RSL1D1: variants seen among roughly 807,000 people sequenced by gnomAD.
RSL1D1 encodes ribosomal L1 domain-containing protein 1.
RSL1D1 carries 34 observed loss-of-function variants against 44.6 expected under a neutral mutation model. That is an observed-to-expected ratio of 0.76 (90% confidence interval 0.58 to 1.02). The LOEUF (loss-of-function observed/expected upper bound fraction) is 1.02. Among genes scored for constraint, RSL1D1 ranks in the 50% least tolerant of loss-of-function variants. The pLI is 0.00. For missense variants in RSL1D1, 767 were observed against 568.1 expected (o/e 1.35, Z -3.56); for synonymous variants, 271 against 207.4 (o/e 1.31, Z -2.63).
At chr16:11,847,426 C>G in intron 3 of RSL1D1, 1 of 412,032 alleles carries the variant, frequency 2.4e-6, no homozygotes, top group South Asian at 3.1e-5. Flanking sequence ...GACAAGTACA[C>G]CAACTACAAA....
At chr16:11,840,966 A>G (rs374360701) in intron 7 of RSL1D1, among the ~76,000 whole-genome samples, 14 of 152,206 alleles carry the variant, frequency 9.2e-5, no homozygotes, top group African/African-American at 3.4e-4. Flanking sequence ...AATTATGTCA[A>G]TTCCTTTTAT....
intron 2 of RSL1D1, chr16:11,849,176 G>C (rs529156128): frequency 6.6e-6 from 1 of 152,348 alleles, no homozygotes; most frequent in East Asian, 1.9e-4. Context: ...GCTTGAGCCT[G>C]AGTTCGAGAC....
In RSL1D1 at chr16:11,836,435, C is replaced by T. The variant is rs2053719326; in HGVS notation, c.*1352G>A. On this transcript the variant is annotated 3_prime_UTR_variant, in exon 9 of 9. Coordinates refer to ENST00000571133, the MANE Select transcript of RSL1D1 (RefSeq NM_015659.3). ...TCCTGCACTGCAGTGAATCTGTGAA[C>T]TTACTACTACGGATGCATACCAATT... The T allele has an allele frequency of 6.6e-6, 1 of 152,198 alleles. No homozygotes were observed. Among genetic ancestry groups the T allele is most frequent in the African/African-American group, 2.4e-5 (1 of 41,460 alleles). 9.4% of individuals were successfully genotyped at this position (152,198 alleles called of 1,614,324 possible).
rs550972691 is a variant in RSL1D1, at chr16:11,838,113, T to C, written c.1147A>G (p.Ile383Val). 2 of 1,556,952 alleles carry C rather than the reference T, an allele frequency of 1.3e-6. No homozygotes were observed. The highest frequency in any genetic ancestry group is 4.5e-5 in the East Asian group (2 of 44,202). The change falls in exon 9 of 9, where the codon ATT becomes GTT. Residue 383 changes from isoleucine (I) to valine (V), a missense_variant and splice_region_variant. Transcript: ENST00000571133. The stretch of plus-strand genomic sequence containing the variant: ...TTCTTTCCTGTGGCATGTTTTTGAA[T>C]CTAAGAAAAAAAAAAGTAAGTTTAA... ...KKTPANEKVE[I>V]QKHATGKKSP...
chr16:11,841,600 G>C (rs2053764055), intron 7 of RSL1D1, 95 bp downstream of exon 7: 1 of 1,164,388 alleles, frequency 8.6e-7, no homozygotes, highest in Non-Finnish European at 1.2e-6. Context: ...GAAGATAACT[G>C]AAAAGTCGGG....
At chr16:11,840,454 TA>T (rs934784511) in intron 7 of RSL1D1, among the ~76,000 whole-genome samples, 7 of 152,032 alleles carry the variant, frequency 4.6e-5, no homozygotes, top group African/African-American at 1.7e-4. Flanking sequence ...TAGTTCCAAC[TA>T]CTCAGGAGGG....
In RSL1D1 at chr16:11,836,391, C is replaced by G. The variant is rs925069540; in HGVS notation, c.*1396G>C. On this transcript the variant is annotated 3_prime_UTR_variant, in exon 9 of 9. Coordinates refer to ENST00000571133, the MANE Select transcript of RSL1D1 (RefSeq NM_015659.3). ...ACATTATCTTTGAAAGCAGTTGAGT[C>G]TTTGGCATGCAAGAACATTCCTGCA... 6.6e-6 allele frequency: 1 copy of G among 152,206 alleles called. No homozygotes were observed. Among genetic ancestry groups the G allele is most frequent in the African/African-American group, 2.4e-5 (1 of 41,456 alleles). 9.4% of individuals were successfully genotyped at this position (152,206 alleles called of 1,614,324 possible). A position where few individuals can be genotyped will look rare whatever the true frequency, so the allele number is the denominator to read the frequency against.
chr16:11,834,250 T>C lies in RSL1D1; in HGVS notation c.*3537A>G, dbSNP rs1415197199. On this transcript the variant is annotated 3_prime_UTR_variant, in exon 9 of 9. Coordinates refer to ENST00000571133, the MANE Select transcript of RSL1D1 (RefSeq NM_015659.3). ...CAACTTTTTGATGGTATAAAAGCGA[T>C]ACATAATCAGTACAAACCATATACA... 2 of 152,230 alleles carry C rather than the reference T, an allele frequency of 1.3e-5. No individual in the cohort carries two copies. The highest frequency in any genetic ancestry group is 2.9e-5 in the Non-Finnish European group (2 of 68,044). The allele number at this position is 152,230 out of a possible 1,614,324, so 9.4% of individuals were successfully genotyped here. A position where few individuals can be genotyped will look rare whatever the true frequency, so the allele number is the denominator to read the frequency against.
intron 8 of RSL1D1, among the ~76,000 whole-genome samples, chr16:11,838,406 A>ACCTG (rs2141250067): frequency 6.6e-6 from 1 of 151,714 alleles, no homozygotes; most frequent in East Asian, 2.0e-4. Flanking sequence ...CAGGTGATCC[A>ACCTG]CCTGCCTCGG....
rs752346562 is a variant in RSL1D1 at position 11,846,803 on chromosome 16, T to A, written c.425A>T (p.Tyr142Phe). ...LQTLKKEYKS[Y>F]EAKLRLLSSF... ...GCTCAGAAGGCGGAGCTTGGCTTCA[T>A]AGGATTTATATTCCTTCTTTAGAGT... The change falls in exon 4 of 9, where the codon TAT (tyrosine) becomes TTT (phenylalanine). Residue 142 changes from tyrosine to phenylalanine, a missense_variant. Physicochemically the swap from Tyr to Phe is conservative, Grantham distance 22. Transcript: ENST00000571133. 6 of 1,612,468 alleles carry A rather than the reference T, an allele frequency of 3.7e-6. No individual in the cohort carries two copies. The South Asian group carries it at 4.4e-5, about 12-fold the overall frequency.
chr16:11,837,561 G>C lies in RSL1D1; in HGVS notation c.*226C>G. On this transcript the variant is annotated 3_prime_UTR_variant, in exon 9 of 9. Coordinates refer to ENST00000571133, the MANE Select transcript of RSL1D1 (RefSeq NM_015659.3). ...AGACAGGGTTTCACCATGTTGGCCA[G>C]GATGGTCTCGATCTCGTTGACCTTG... 2.2e-6 allele frequency: 1 copy of C among 456,024 alleles called. No homozygotes were observed. Among genetic ancestry groups the C allele is most frequent in the East Asian group, 3.8e-5 (1 of 26,486 alleles). 28.2% of individuals were successfully genotyped at this position (456,024 alleles called of 1,614,324 possible).
intron 7 of RSL1D1, 76 bp from the exon 8 acceptor site, chr16:11,840,061 G>A (rs2053754608): frequency 1.3e-6 from 2 of 1,547,388 alleles, no homozygotes; most frequent in Non-Finnish European, 1.7e-6. Flanking sequence ...TGTACCACGT[G>A]CAGTTTTGAT....
In RSL1D1 at chr16:11,837,643, C is replaced by G; in HGVS notation, c.*144G>C. The G allele has an allele frequency of 1.3e-6, 1 of 757,846 alleles. No individual in the cohort carries two copies. Among genetic ancestry groups the G allele is most frequent in the South Asian group, 1.9e-5 (1 of 53,602 alleles). The allele number at this position is 757,846 out of a possible 1,614,324, so 46.9% of individuals were successfully genotyped here. A position where few individuals can be genotyped will look rare whatever the true frequency, so the allele number is the denominator to read the frequency against. On this transcript the variant is annotated 3_prime_UTR_variant, in exon 9 of 9. Transcript: ENST00000571133. Reference sequence around the variant, plus strand: ...GGGATTACAGGCGTGAGCCACCGCCCCTGGACTACTTATGGAGGTTTTAAA... The same window carrying G: ...GGGATTACAGGCGTGAGCCACCGCCGCTGGACTACTTATGGAGGTTTTAAA...
chr16:11,849,814 T>G (rs1457038809), intron 2 of RSL1D1, among the ~76,000 whole-genome samples: 1 of 152,184 alleles, frequency 6.6e-6, no homozygotes, highest in Non-Finnish European at 1.5e-5. Context: ...TCTAGAAAAT[T>G]TTAGCACATC....
At chr16:11,849,351 G>C (rs933589262) in intron 2 of RSL1D1, 2 of 147,210 alleles carry the variant, frequency 1.4e-5, no homozygotes, top group Non-Finnish European at 1.5e-5. Flanking sequence ...TCTCACTATT[G>C]TACTCCAGCT....
Position 11,838,020 on chromosome 16 carries a change from C to CA in RSL1D1, c.1239dup (p.Glu414Ter). The CA allele has an allele frequency of 6.2e-7, 1 of 1,613,934 alleles. No homozygotes were observed. Among genetic ancestry groups the CA allele is most frequent in the Non-Finnish European group, 8.5e-7 (1 of 1,180,008 alleles). On this transcript the variant is annotated frameshift_variant, in exon 9 of 9. Transcript: ENST00000571133. LOFTEE classifies it low-confidence loss of function (END_TRUNC). ...TCAGACTCTGCAGCTTTTGGGGTCT[C>CA]AGATGCTGGCAAAGCCTTTCTTTTC...
In RSL1D1 at chr16:11,846,611, T is replaced by C. The variant is rs1403837287; in HGVS notation, c.534-9A>G. 3.1e-6 allele frequency: 5 copies of C among 1,608,334 alleles called. No homozygotes were observed. The highest frequency in any genetic ancestry group is 4.5e-5 in the East Asian group (2 of 44,842). On this transcript the variant is annotated splice_polypyrimidine_tract_variant and intron_variant, in intron 4 of 8. Coordinates refer to ENST00000571133, the MANE Select transcript of RSL1D1 (RefSeq NM_015659.3). The stretch of plus-strand genomic sequence containing the variant: ...TTACAGATACTGGAACTCTACAAAA[T>C]AAACACACAGGCATTCAGAACACAA...
chr16:11,839,691 A>G lies in RSL1D1; in HGVS notation c.1146+4T>C, dbSNP rs898076306. On this transcript the variant is annotated splice_donor_region_variant and intron_variant, in intron 8 of 8. Coordinates refer to ENST00000571133, the MANE Select transcript of RSL1D1 (RefSeq NM_015659.3). The stretch of plus-strand genomic sequence containing the variant: ...ATTATGAACAGTAAATATTAAAACA[A>G]TACCTCTACTTTTTCATTAGCTGGA... 1 of 1,613,518 alleles carries G rather than the reference A, an allele frequency of 6.2e-7. No homozygotes were observed. The highest frequency in any genetic ancestry group is 1.3e-5 in the African/African-American group (1 of 74,810).
chr16:11,847,079 T>C (rs546697376), intron 3 of RSL1D1, among the ~76,000 whole-genome samples: 3 of 152,124 alleles, frequency 2.0e-5, no homozygotes, highest in South Asian at 2.1e-4. Context: ...GCAACATATA[T>C]ATATTATTAT....
Sources: allele counts gnomAD v4.1 joint callset (sites outside exome capture counted in the v4.1 genomes callset), GRCh38; gene constraint gnomAD v4.1.1; transcripts MANE v1.5; gene names NCBI Gene and HGNC (gene_info 2026-07-23, HGNC 2026-07-21).